TENM2: variants seen among roughly 807,000 people sequenced by gnomAD.
The protein encoded by TENM2 is teneurin-2.
A neutral mutation model predicts 245.2 loss-of-function variants in TENM2; 52 were observed. That is an observed-to-expected ratio of 0.21 (90% CI 0.17 to 0.27). The LOEUF (loss-of-function observed/expected upper bound fraction) is 0.27, where lower values mean the gene tolerates loss of function less well. Ranked by LOEUF, TENM2 falls within the 10% of genes least tolerant of loss-of-function variation. The pLI is 1.00. For missense variants in TENM2, 3,046 were observed against 3,666.8 expected (o/e 0.83, Z 4.37); for synonymous variants, 1,363 against 1,438.9 (o/e 0.95, Z 1.19).
At chr5:167,226,652 T>C in the TENM2 span, among the ~76,000 whole-genome samples, 2 of 152,092 alleles carry the variant, frequency 1.3e-5, no homozygotes, top group African/African-American at 4.8e-5. Context: ...GATGTATATT[T>C]TGCAGTTGCT....
intron 3 of TENM2, among the ~76,000 whole-genome samples, chr5:167,937,458 C>G (rs32419): frequency 0.47 from 71,630 of 151,984 alleles, 18,810 homozygotes; most frequent in African/African-American, 0.72. Flanking sequence ...GTTTTCCAGA[C>G]TGGCTGTCTC....
At position 167,848,916 on chromosome 5, in the gene TENM2, G is replaced by A. The variant is rs140610047; in HGVS notation, c.503-27070G>A. ...CAGGCTAGTTTTTTGTTTGCTTTTT[G>A]TTTTTTGGGTTTTTTTGGCCACATT... is the stretch of plus-strand genomic sequence containing the variant. On this transcript the variant is annotated intron_variant, in intron 2 of 28. Transcript: ENST00000518659. 2.8e-3 allele frequency among the ~76,000 whole-genome samples: 430 copies of A among 152,080 alleles called. 3 individuals are homozygous for A. Among genetic ancestry groups the A allele is most frequent in the African/African-American group, 1.0e-2 (413 of 41,498 alleles).
chr5:166,995,560 C>T, the TENM2 span, among the ~76,000 whole-genome samples: 4 of 151,940 alleles, frequency 2.6e-5, no homozygotes, highest in Non-Finnish European at 5.9e-5. Context: ...GATTTTTAAA[C>T]CATAAATGGT....
At chr5:167,061,145 G>A in the TENM2 span, among the ~76,000 whole-genome samples, 9 of 151,282 alleles carry the variant, frequency 5.9e-5, no homozygotes, top group African/African-American at 2.2e-4. Flanking sequence ...CCCCACACAC[G>A]CACACGAATG....
the TENM2 span, among the ~76,000 whole-genome samples, chr5:167,202,301 C>T: frequency 1.3e-3 from 194 of 152,182 alleles, no homozygotes; most frequent in African/African-American, 4.6e-3. Flanking sequence ...CTGCATTTAA[C>T]TCAAATCTGC....
At chr5:167,002,584 C>T in the TENM2 span, among the ~76,000 whole-genome samples, 2 of 151,774 alleles carry the variant, frequency 1.3e-5, no homozygotes, top group African/African-American at 2.4e-5. Flanking sequence ...GCAAGAGAAT[C>T]ACTTGTGACC....
chr5:167,327,492 C>T (rs1253876438), intron 1 of TENM2, among the ~76,000 whole-genome samples: 1 of 152,120 alleles, frequency 6.6e-6, no homozygotes, highest in African/African-American at 2.4e-5. Flanking sequence ...AAGAATAGCA[C>T]TTAAGACAGT....
At chr5:167,869,673 C>T (rs1314238199) in intron 2 of TENM2, among the ~76,000 whole-genome samples, 2 of 152,204 alleles carry the variant, frequency 1.3e-5, no homozygotes, top group African/African-American at 4.8e-5. Flanking sequence ...GCCTGGCTGC[C>T]ATGACCCAGT....
intron 2 of TENM2, among the ~76,000 whole-genome samples, chr5:167,826,936 T>A (rs1307255691): frequency 1.3e-5 from 2 of 152,246 alleles, no homozygotes; most frequent in African/African-American, 4.8e-5. Flanking sequence ...TAGAATGTTT[T>A]CTCTATTTCC....
intron 1 of TENM2, among the ~76,000 whole-genome samples, chr5:167,348,590 C>G (rs1758622236): frequency 6.6e-6 from 1 of 152,106 alleles, no homozygotes; most frequent in Non-Finnish European, 1.5e-5. Context: ...TTTCAGTCTA[C>G]AGGATTAAAA....
At chr5:168,095,582 G>GT (rs1466751935) in intron 8 of TENM2, among the ~76,000 whole-genome samples, 1 of 151,980 alleles carries the variant, frequency 6.6e-6, no homozygotes, top group Non-Finnish European at 1.5e-5. Flanking sequence ...TAATTTGTTT[G>GT]TTTTTTTAGC....
chr5:167,461,172 G>T, intron 2 of TENM2, among the ~76,000 whole-genome samples: 1 of 151,354 alleles, frequency 6.6e-6, no homozygotes, highest in African/African-American at 2.4e-5. Flanking sequence ...CATATATACT[G>T]TGGTGTTTTT....
At chr5:168,097,887 T>A (rs1793497023) in intron 8 of TENM2, 139 bp from the exon 11 acceptor site, 4 of 641,422 alleles carry the variant, frequency 6.2e-6, no homozygotes, top group Middle Eastern at 5.4e-4. Context: ...CTTCACTCAT[T>A]CATATTGCTG....
At chr5:167,869,249 T>C (rs995200854) in intron 2 of TENM2, among the ~76,000 whole-genome samples, 1 of 152,216 alleles carries the variant, frequency 6.6e-6, no homozygotes. Flanking sequence ...ATTACATCTG[T>C]TGGAGCCCAG....
intron 2 of TENM2, among the ~76,000 whole-genome samples, chr5:167,538,588 C>T (rs1387869882): frequency 6.6e-6 from 1 of 152,158 alleles, no homozygotes. Context: ...CTTGGAGCAC[C>T]ATGAATTCTA....
intron 2 of TENM2, among the ~76,000 whole-genome samples, chr5:167,719,768 T>G (rs138114932): frequency 1.7e-3 from 252 of 152,284 alleles, no homozygotes; most frequent in African/African-American, 5.4e-3. Flanking sequence ...TGTTTTTGTT[T>G]TGTACACGTG....
At chr5:167,585,065 C>T (rs1187872412) in intron 2 of TENM2, among the ~76,000 whole-genome samples, 3 of 152,116 alleles carry the variant, frequency 2.0e-5, no homozygotes, top group Admixed American at 1.3e-4. Flanking sequence ...AAGAAGATAT[C>T]CACCTCCAAA....
chr5:167,690,286 TA>T (rs768563635), intron 2 of TENM2, among the ~76,000 whole-genome samples: 2 of 152,004 alleles, frequency 1.3e-5, no homozygotes, highest in Non-Finnish European at 2.9e-5. Flanking sequence ...TACTTTTATG[TA>T]TTTTTTTTTA....
At chr5:166,995,612 T>TC in the TENM2 span, among the ~76,000 whole-genome samples, 4 of 151,812 alleles carry the variant, frequency 2.6e-5, no homozygotes, top group South Asian at 4.2e-4. Flanking sequence ...GGTCAGGAGT[T>TC]CAAGACCAGC....
Sources: gnomAD v4.1 joint callset for allele counts (sites outside exome capture counted in the v4.1 genomes callset) on GRCh38, gnomAD v4.1.1 for gene constraint, MANE v1.5 for transcripts, NCBI Gene and HGNC (gene_info 2026-07-23, HGNC 2026-07-21) for gene names.